Variants in ATXN7L1 observed in about 807,000 individuals in gnomAD.
ATXN7L1 encodes ataxin-7-like protein 1.
In ATXN7L1, 15 loss-of-function variants were observed where a neutral mutation model predicts 70.8. The observed-to-expected ratio is 0.21, with a 90% CI of 0.14 to 0.33. The LOEUF (loss-of-function observed/expected upper bound fraction) is 0.33, where lower values mean the gene tolerates loss of function less well. ATXN7L1 is among the 10% of genes least tolerant of loss of function. The probability of loss-of-function intolerance (pLI) is 1.00; values close to 1 mark genes in which losing one functional copy is unlikely to be tolerated. For missense variants in ATXN7L1, 975 were observed against 1,097.1 expected (o/e 0.89, Z 1.57); for synonymous variants, 440 against 445.1 (o/e 0.99, Z 0.14).
At chr7:105,778,492 C>T (rs189704417) in intron 3 of ATXN7L1, among the ~76,000 whole-genome samples, 268 of 102,170 alleles carry the variant, frequency 2.6e-3, no homozygotes, top group Non-Finnish European at 2.8e-3. Flanking sequence ...GCTTGGGCAA[C>T]AGAGGAAGAC....
intron 2 of ATXN7L1, among the ~76,000 whole-genome samples, chr7:105,827,588 TGAC>T (rs970084560): frequency 1.3e-5 from 2 of 152,234 alleles, no homozygotes; most frequent in Admixed American, 6.5e-5. Context: ...CACAGAAGGC[TGAC>T]TTTTCATATA....
chr7:105,737,528 CGTGTGT>C (rs71520935), intron 3 of ATXN7L1, among the ~76,000 whole-genome samples: 20 of 148,728 alleles, frequency 1.3e-4, no homozygotes, highest in East Asian at 3.9e-4. Flanking sequence ...CTAACGTCCC[CGTGTGT>C]GTGTGTGTGT....
intron 10 of ATXN7L1, 74 bp downstream of exon 10, chr7:105,613,788 C>G (rs150948758): frequency 6.5e-7 from 1 of 1,549,154 alleles, no homozygotes; most frequent in Non-Finnish European, 8.7e-7. Context: ...CGGAGCCGCC[C>G]GGCTAAGCAG....
chr7:105,639,474 G>T lies in ATXN7L1; in HGVS notation c.945+13C>A, dbSNP rs1457856536. The T allele has an allele frequency of 1.3e-6, 2 of 1,544,006 alleles. No homozygotes were observed. The highest frequency in any genetic ancestry group is 2.4e-5 in the South Asian group (2 of 83,858). ...GCGAGAGCAGGAAGTATTTTTTATG[G>T]AAAGAGAAATACCTTGCAGGTGAGG... On this transcript the variant is annotated intron_variant, in intron 6 of 11. Coordinates refer to ENST00000419735, the MANE Select transcript of ATXN7L1 (RefSeq NM_020725.2).
chr7:105,664,588 T>TATATATATATATA (rs1388359970), intron 4 of ATXN7L1, among the ~76,000 whole-genome samples: 8 of 147,702 alleles, frequency 5.4e-5, no homozygotes, highest in East Asian at 4.1e-4. Context: ...TATATATATA[T>TATATATATATATA]TTGAGACAGA....
intron 3 of ATXN7L1, among the ~76,000 whole-genome samples, chr7:105,699,607 G>T (rs1265197125): frequency 6.6e-6 from 1 of 152,158 alleles, no homozygotes; most frequent in African/African-American, 2.4e-5. Flanking sequence ...GAATTTTACA[G>T]TGCAACCTAG....
At chr7:105,799,903 A>AGCTGGACTGGCTACCG (rs1806561467) in intron 2 of ATXN7L1, among the ~76,000 whole-genome samples, 1 of 152,186 alleles carries the variant, frequency 6.6e-6, no homozygotes, top group Admixed American at 6.5e-5. Flanking sequence ...GAACCACTCC[A>AGCTGGACTGGCTACCG]GCTGGACTGG....
intron 3 of ATXN7L1, among the ~76,000 whole-genome samples, chr7:105,745,396 C>T (rs952807183): frequency 2.0e-5 from 3 of 152,144 alleles, no homozygotes; most frequent in African/African-American, 7.2e-5. Context: ...TTTTAACATC[C>T]TTGTAATATA....
At chr7:105,806,289 G>A (rs915185263) in intron 2 of ATXN7L1, among the ~76,000 whole-genome samples, 1 of 152,058 alleles carries the variant, frequency 6.6e-6, no homozygotes, top group Admixed American at 6.5e-5. Flanking sequence ...CTCCATGATG[G>A]GATTAGTGCC....
chr7:105,641,618 C>A (rs1334006097), intron 5 of ATXN7L1, among the ~76,000 whole-genome samples: 6 of 152,262 alleles, frequency 3.9e-5, no homozygotes, highest in African/African-American at 1.4e-4. Context: ...TGTGCCCACG[C>A]CTACCGGTTT....
chr7:105,830,457 C>A (rs1811449147), intron 2 of ATXN7L1, among the ~76,000 whole-genome samples: 1 of 152,224 alleles, frequency 6.6e-6, no homozygotes, highest in African/African-American at 2.4e-5. Flanking sequence ...TGGGGTATGG[C>A]CATTGATGAC....
rs144835051 is a variant in ATXN7L1 at position 105,859,460 on chromosome 7, A to G, written c.250+16352T>C. 1.1e-3 allele frequency among the ~76,000 whole-genome samples: 164 copies of G among 152,286 alleles called. 2 individuals carry two copies. The highest frequency in any genetic ancestry group is 3.7e-3 in the African/African-American group (155 of 41,566). On this transcript the variant is annotated intron_variant, in intron 2 of 11. Transcript: ENST00000419735. ...GCATAATGACACTTTGGTCAACAAC[A>G]GGCCCATACTCAGTGGTCTCATAAG...
At chr7:105,718,967 CA>C (rs1297533919) in intron 3 of ATXN7L1, among the ~76,000 whole-genome samples, 1 of 152,162 alleles carries the variant, frequency 6.6e-6, no homozygotes, top group Admixed American at 6.5e-5. Context: ...AGGTGATGAA[CA>C]GCAGCCGGGA....
In ATXN7L1 at chr7:105,876,596, G is replaced by T. The variant is rs751947038; in HGVS notation, c.-38C>A. The T allele has an allele frequency of 3.7e-6, 5 of 1,361,748 alleles. No homozygotes were observed. The East Asian group carries it at 1.3e-4, about 35-fold the overall frequency. The allele number at this position is 1,361,748 out of a possible 1,614,324, so 84.4% of individuals were successfully genotyped here. A position where few individuals can be genotyped will look rare whatever the true frequency, so the allele number is the denominator to read the frequency against. ...CCGACATTGAGTGTTCTGAAAGGGG[G>T]AGGGAGGGAGGAAGGGCGGGATGGG... is the stretch of plus-strand genomic sequence containing the variant. On this transcript the variant is annotated 5_prime_UTR_variant, in exon 1 of 12. Coordinates refer to ENST00000419735, the MANE Select transcript of ATXN7L1 (RefSeq NM_020725.2).
intron 3 of ATXN7L1, among the ~76,000 whole-genome samples, chr7:105,734,749 G>A (rs1465223855): frequency 6.6e-6 from 1 of 151,762 alleles, no homozygotes; most frequent in Non-Finnish European, 1.5e-5. Context: ...ACCAGACCAG[G>A]CCCTATTCAA....
intron 3 of ATXN7L1, among the ~76,000 whole-genome samples, chr7:105,682,812 G>A (rs1269516162): frequency 6.6e-6 from 1 of 152,214 alleles, no homozygotes; most frequent in Non-Finnish European, 1.5e-5. Context: ...ACTGCTTAAT[G>A]GGTATGAGGT....
chr7:105,839,289 TG>T (rs1384764683), intron 2 of ATXN7L1, among the ~76,000 whole-genome samples: 1 of 151,130 alleles, frequency 6.6e-6, no homozygotes. Flanking sequence ...AACTTGAACA[TG>T]GAAGATGGTT....
intron 2 of ATXN7L1, among the ~76,000 whole-genome samples, chr7:105,788,967 G>A (rs544552031): frequency 1.3e-5 from 2 of 152,246 alleles, no homozygotes; most frequent in African/African-American, 2.4e-5. Flanking sequence ...TGGTGTCGAG[G>A]GGCTGCTCTG....
At chr7:105,761,001 A>C (rs1490783813) in intron 3 of ATXN7L1, 4 of 267,404 alleles carry the variant, frequency 1.5e-5, no homozygotes, top group African/African-American at 9.2e-5. Flanking sequence ...GGAAGCCACA[A>C]GTCAAGAGAA....
Sources: gnomAD v4.1 joint callset for allele counts (sites outside exome capture counted in the v4.1 genomes callset) on GRCh38, gnomAD v4.1.1 for gene constraint, MANE v1.5 for transcripts, NCBI Gene and HGNC (gene_info 2026-07-23, HGNC 2026-07-21) for gene names.